The following PCDH9 variants were observed in gnomAD, a reference collection of about 807,000 sequenced individuals.
PCDH9 encodes the protein protocadherin-9.
In PCDH9, 24 loss-of-function variants were observed where a neutral mutation model predicts 70.6. The ratio of observed to expected loss-of-function variants is 0.34; its 90% CI spans 0.25 to 0.48. The LOEUF is 0.48. PCDH9 is among the 20% of genes least tolerant of loss of function. The pLI is 0.99. For missense variants in PCDH9, 1,281 were observed against 1,503.6 expected (o/e 0.85, Z 2.45); for synonymous variants, 562 against 558.5 (o/e 1.01, Z -0.09).
intron 3 of PCDH9, among the ~76,000 whole-genome samples, chr13:66,852,480 G>T (rs893780643): frequency 1.3e-5 from 2 of 152,106 alleles, no homozygotes; most frequent in Admixed American, 6.6e-5. Context: ...AAAAGAGAAG[G>T]TGTGAACAGG....
At chr13:66,778,665 A>T (rs1239807585) in intron 3 of PCDH9, among the ~76,000 whole-genome samples, 1 of 152,234 alleles carries the variant, frequency 6.6e-6, no homozygotes, top group Non-Finnish European at 1.5e-5. Context: ...ACTTTGACAA[A>T]TGCTCTAAAA....
chr13:67,162,574 G>A (rs1379402742), intron 2 of PCDH9, among the ~76,000 whole-genome samples: 1 of 152,166 alleles, frequency 6.6e-6, no homozygotes, highest in Admixed American at 6.5e-5. Context: ...CTGAAGGTCA[G>A]CAGTTTTTGA....
intron 2 of PCDH9, among the ~76,000 whole-genome samples, chr13:67,195,891 A>C (rs2089050908): frequency 6.6e-6 from 1 of 152,144 alleles, no homozygotes; most frequent in South Asian, 2.1e-4. Flanking sequence ...AATGTTTTAA[A>C]ACTGGTTTAT....
intron 3 of PCDH9, among the ~76,000 whole-genome samples, chr13:66,694,976 T>C (rs530723522): frequency 2.0e-3 from 302 of 151,698 alleles, no homozygotes; most frequent in African/African-American, 7.0e-3. Flanking sequence ...CGATCTCTGC[T>C]CACTGCCAGC....
At chr13:66,344,568 A>C (rs184249912) in intron 4 of PCDH9, among the ~76,000 whole-genome samples, 44 of 152,356 alleles carry the variant, frequency 2.9e-4, no homozygotes, top group African/African-American at 1.1e-3. Flanking sequence ...AAAATAAATC[A>C]AATGTGCTAC....
chr13:67,190,729 C>T (rs2088888089), intron 2 of PCDH9, among the ~76,000 whole-genome samples: 1 of 152,004 alleles, frequency 6.6e-6, no homozygotes, highest in Admixed American at 6.6e-5. Flanking sequence ...TTTACTATAA[C>T]TCAAGCTTTT....
intron 3 of PCDH9, among the ~76,000 whole-genome samples, chr13:66,689,090 G>GA (rs1224823843): frequency 2.0e-5 from 3 of 152,102 alleles, no homozygotes; most frequent in Non-Finnish European, 4.4e-5. Flanking sequence ...ACAAATGTAT[G>GA]TATCTAGCCA....
At chr13:66,874,097 T>A (rs573484744) in intron 3 of PCDH9, among the ~76,000 whole-genome samples, 1 of 152,106 alleles carries the variant, frequency 6.6e-6, no homozygotes, top group Non-Finnish European at 1.5e-5. Context: ...TGTGCCACCA[T>A]GTCCAGCTGA....
Position 66,712,846 on chromosome 13 carries a change from G to C in PCDH9, c.3139-81435C>G, listed in dbSNP as rs547621155. 8.5e-5 allele frequency among the ~76,000 whole-genome samples: 13 copies of C among 152,218 alleles called. No homozygotes were observed. In the East Asian group the frequency reaches 2.3e-3, roughly 27 times the overall value. ...ATATATTATATTAAATGTATGCATA[G>C]AGCAAATGGCCAAATTCAGCCCTCA... is the stretch of plus-strand genomic sequence containing the variant. On this transcript the variant is annotated intron_variant, in intron 3 of 4. Transcript: ENST00000377865.
intron 3 of PCDH9, among the ~76,000 whole-genome samples, chr13:66,732,151 T>C (rs2079087384): frequency 6.6e-6 from 1 of 152,020 alleles, no homozygotes. Context: ...TGATATACAA[T>C]AGTTGTATGT....
At chr13:66,700,922 A>ATGTGTG (rs1566514236) in intron 3 of PCDH9, among the ~76,000 whole-genome samples, 3 of 46,960 alleles carry the variant, frequency 6.4e-5, no homozygotes, top group South Asian at 8.2e-4. Flanking sequence ...GTGTACATAT[A>ATGTGTG]AATATATATA....
chr13:66,911,502 C>T (rs1470160743), intron 2 of PCDH9, among the ~76,000 whole-genome samples: 1 of 152,152 alleles, frequency 6.6e-6, no homozygotes, highest in African/African-American at 2.4e-5. Context: ...CACATTATGT[C>T]ACTTTTTCTT....
intron 4 of PCDH9, among the ~76,000 whole-genome samples, chr13:66,598,411 A>G (rs1291132583): frequency 6.6e-6 from 1 of 151,888 alleles, no homozygotes; most frequent in African/African-American, 2.4e-5. Flanking sequence ...CAAATATTGT[A>G]ACAGTTTATA....
At chr13:66,422,040 C>A (rs550307999) in intron 4 of PCDH9, among the ~76,000 whole-genome samples, 1 of 152,062 alleles carries the variant, frequency 6.6e-6, no homozygotes, top group African/African-American at 2.4e-5. Flanking sequence ...GACTTTAAAC[C>A]AACAACGGTC....
At chr13:67,069,005 G>A (rs1489648518) in intron 2 of PCDH9, among the ~76,000 whole-genome samples, 2 of 152,136 alleles carry the variant, frequency 1.3e-5, no homozygotes, top group Non-Finnish European at 2.9e-5. Flanking sequence ...CATAAAACTT[G>A]AGTCTTCCTG....
intron 4 of PCDH9, among the ~76,000 whole-genome samples, chr13:66,402,907 A>C (rs988417003): frequency 1.3e-5 from 2 of 152,220 alleles, no homozygotes; most frequent in African/African-American, 4.8e-5. Flanking sequence ...AATTTTATCA[A>C]AAGGTGATGG....
At chr13:66,911,979 T>C (rs1355010129) in intron 2 of PCDH9, among the ~76,000 whole-genome samples, 1 of 152,176 alleles carries the variant, frequency 6.6e-6, no homozygotes, top group South Asian at 2.1e-4. Context: ...ATTTATTTCA[T>C]TATTTACTGC....
chr13:66,941,664 C>T (rs549014804), intron 2 of PCDH9, among the ~76,000 whole-genome samples: 13 of 151,782 alleles, frequency 8.6e-5, no homozygotes, highest in African/African-American at 3.1e-4. Flanking sequence ...TATGAGAGAC[C>T]ATTTCATAAT....
intron 2 of PCDH9, among the ~76,000 whole-genome samples, chr13:66,922,951 T>C (rs1566295334): frequency 6.6e-6 from 1 of 151,602 alleles, no homozygotes; most frequent in East Asian, 1.9e-4. Flanking sequence ...GTGTGTTTTT[T>C]CACTTTGTAT....
Sources: gnomAD v4.1 joint callset for allele counts (sites outside exome capture counted in the v4.1 genomes callset) on GRCh38, gnomAD v4.1.1 for gene constraint, MANE v1.5 for transcripts, NCBI Gene and HGNC (gene_info 2026-07-23, HGNC 2026-07-21) for gene names.